The following DNAAF11 variants were observed in gnomAD, a reference collection of about 807,000 sequenced individuals.
DNAAF11 encodes dynein axonemal assembly factor 11.
A neutral mutation model predicts 60.8 loss-of-function variants in DNAAF11; 45 were observed. The observed-to-expected ratio is 0.74, with a 90% CI of 0.58 to 0.95. The LOEUF (loss-of-function observed/expected upper bound fraction) is 0.95. Ranked by LOEUF, DNAAF11 falls within the 40% of genes least tolerant of loss-of-function variation. The pLI is 0.00. For missense variants in DNAAF11, 546 were observed against 546.2 expected (o/e 1.00, Z 0.00); for synonymous variants, 191 against 183.5 (o/e 1.04, Z -0.33).
Position 132,661,558 on chromosome 8 carries a change from G to A in DNAAF11, c.80C>T (p.Ser27Leu), listed in dbSNP as rs777870754. The stretch of plus-strand genomic sequence containing the variant: ...TCTTTCTATTTCTTGCTGATGCAAC[G>A]AGAGTTCCTCCAGGGAAAAAATGAC... Reference protein sequence around the residue: ...DCVIFSLEELSLHQQEIERLE... With the variant: ...DCVIFSLEELLLHQQEIERLE... Residue 27 changes from serine to leucine, a missense_variant, in exon 2 of 12, where the codon TCG becomes TTG. By Grantham distance (145) the Ser-to-Leu change is moderately radical. Coordinates refer to ENST00000620350, the MANE Select transcript of DNAAF11 (RefSeq NM_012472.6). 2.2e-5 allele frequency: 35 copies of A among 1,613,546 alleles called. No homozygotes were observed. The South Asian group carries it at 3.2e-4, about 15-fold the overall frequency.
the DNAAF11 span, among the ~76,000 whole-genome samples, chr8:132,686,389 T>C: frequency 2.0e-5 from 3 of 152,154 alleles, no homozygotes; most frequent in African/African-American, 7.2e-5. Flanking sequence ...GGAGACAAGG[T>C]GTCATTCCAA....
Position 132,652,620 on chromosome 8 carries a change from G to T in DNAAF11, c.256+4210C>A, listed in dbSNP as rs1045876727. ...GGAATACTATGCAGCCATAAAAAAGGGTGAGTTCATGTCCTTTGCAGGGAC... is the reference window on the plus strand; with the variant it reads ...GGAATACTATGCAGCCATAAAAAAGTGTGAGTTCATGTCCTTTGCAGGGAC... On this transcript the variant is annotated intron_variant, in intron 3 of 11. Coordinates refer to ENST00000620350, the MANE Select transcript of DNAAF11 (RefSeq NM_012472.6). Among the ~76,000 whole-genome samples the T allele has an allele frequency of 5.3e-5, 8 of 152,178 alleles. 1 individual carries two copies. The highest frequency in any genetic ancestry group is 5.2e-4 in the Admixed American group (8 of 15,284).
intron 8 of DNAAF11, among the ~76,000 whole-genome samples, chr8:132,611,782 T>G (rs934958393): frequency 1.6e-4 from 25 of 152,264 alleles, no homozygotes; most frequent in African/African-American, 6.0e-4. Context: ...GCAGCTGTTC[T>G]GCAGCTGCCC....
At chr8:132,621,700 T>C (rs977807222) in intron 7 of DNAAF11, among the ~76,000 whole-genome samples, 4 of 152,190 alleles carry the variant, frequency 2.6e-5, no homozygotes, top group Non-Finnish European at 4.4e-5. Context: ...CTTGCATTCC[T>C]GTCTGCTGAG....
At chr8:132,591,984 T>C (rs1409771196) in intron 10 of DNAAF11, among the ~76,000 whole-genome samples, 2 of 152,216 alleles carry the variant, frequency 1.3e-5, no homozygotes, top group Non-Finnish European at 2.9e-5. Flanking sequence ...GCTTTTAAAA[T>C]AATACTCAAT....
intron 9 of DNAAF11, among the ~76,000 whole-genome samples, 156 bp downstream of exon 9, chr8:132,611,138 C>T (rs1818621130): frequency 6.6e-6 from 1 of 152,190 alleles, no homozygotes; most frequent in Non-Finnish European, 1.5e-5. Flanking sequence ...AGGTGATCCG[C>T]CCGCCTTGGC....
chr8:132,684,921 G>A, the DNAAF11 span: 12 of 152,208 alleles, frequency 7.9e-5, no homozygotes, highest in African/African-American at 2.7e-4. Flanking sequence ...GAAATGGAGA[G>A]TTCAATCCTT....
intron 3 of DNAAF11, among the ~76,000 whole-genome samples, chr8:132,646,070 T>C (rs551608384): frequency 6.7e-4 from 102 of 152,292 alleles, no homozygotes; most frequent in Admixed American, 1.1e-3. Flanking sequence ...GGAAAAATTG[T>C]TAAGGGCAGC....
At chr8:132,662,405 G>A (rs1157402389) in intron 1 of DNAAF11, among the ~76,000 whole-genome samples, 1 of 152,164 alleles carries the variant, frequency 6.6e-6, no homozygotes, top group Non-Finnish European at 1.5e-5. Flanking sequence ...TCTTTGTAAA[G>A]ATGCATTGAA....
At chr8:132,671,773 C>A (rs921191729) in intron 1 of DNAAF11, among the ~76,000 whole-genome samples, 3 of 151,458 alleles carry the variant, frequency 2.0e-5, no homozygotes, top group African/African-American at 7.3e-5. Context: ...GAGCATAGTC[C>A]TCAACAAGTG....
the DNAAF11 span, among the ~76,000 whole-genome samples, chr8:132,680,889 A>T: frequency 6.6e-6 from 1 of 151,406 alleles, no homozygotes; most frequent in Non-Finnish European, 1.5e-5. Context: ...AGAGTATTTG[A>T]CATGTAGAAA....
At chr8:132,646,353 G>A (rs1211112961) in intron 3 of DNAAF11, among the ~76,000 whole-genome samples, 1 of 152,070 alleles carries the variant, frequency 6.6e-6, no homozygotes, top group African/African-American at 2.4e-5. Context: ...ACATGGAAAG[G>A]AACAACCGGT....
At chr8:132,698,221 T>A in the DNAAF11 span, among the ~76,000 whole-genome samples, 5 of 152,132 alleles carry the variant, frequency 3.3e-5, no homozygotes, top group Non-Finnish European at 5.9e-5. Context: ...CACAAACCTA[T>A]CCCACACTTC....
intron 1 of DNAAF11, among the ~76,000 whole-genome samples, chr8:132,670,201 T>G (rs1825050563): frequency 6.6e-6 from 1 of 151,578 alleles, no homozygotes; most frequent in East Asian, 1.9e-4. Context: ...AGAGAAAAAT[T>G]AATAAAAATT....
At chr8:132,626,066 T>C (rs1820248193) in intron 5 of DNAAF11, among the ~76,000 whole-genome samples, 1 of 152,112 alleles carries the variant, frequency 6.6e-6, no homozygotes, top group South Asian at 2.1e-4. Flanking sequence ...TCTTTTTTTT[T>C]TGAGACGGAG....
At chr8:132,657,181 T>C (rs199712663) in intron 2 of DNAAF11, among the ~76,000 whole-genome samples, 1 of 152,128 alleles carries the variant, frequency 6.6e-6, no homozygotes, top group African/African-American at 2.4e-5. Flanking sequence ...GCTGGGCCAG[T>C]GCATGACAAT....
chr8:132,609,653 A>G (rs143248444), intron 10 of DNAAF11, among the ~76,000 whole-genome samples: 8 of 152,264 alleles, frequency 5.3e-5, no homozygotes, highest in African/African-American at 1.9e-4. Context: ...AGGAACATGA[A>G]AGTATGCTGC....
chr8:132,639,408 T>C (rs1156759833), intron 3 of DNAAF11, among the ~76,000 whole-genome samples: 3 of 152,224 alleles, frequency 2.0e-5, no homozygotes, highest in African/African-American at 7.2e-5. Flanking sequence ...TTCAAAGTTC[T>C]ACACACCCTT....
intron 8 of DNAAF11, among the ~76,000 whole-genome samples, chr8:132,614,069 A>G (rs1298328960): frequency 3.3e-5 from 5 of 152,224 alleles, no homozygotes; most frequent in African/African-American, 7.2e-5. Flanking sequence ...CAAACAAAAC[A>G]AGCTTCCTGC....
Sources: gnomAD v4.1 joint callset for allele counts (sites outside exome capture counted in the v4.1 genomes callset) on GRCh38, gnomAD v4.1.1 for gene constraint, MANE v1.5 for transcripts, NCBI Gene and HGNC (gene_info 2026-07-23, HGNC 2026-07-21) for gene names.